SFI1: variants seen among roughly 807,000 people sequenced by gnomAD.
SFI1 encodes protein SFI1 homolog.
A neutral mutation model predicts 207.5 loss-of-function variants in SFI1; 195 were observed. The observed-to-expected ratio is 0.94, with a 90% CI of 0.84 to 1.06. SFI1 has a LOEUF of 1.06. Ranked by LOEUF, SFI1 falls within the 50% of genes least tolerant of loss-of-function variation. SFI1 has a pLI of 0.00. For missense variants in SFI1, 1,634 were observed against 1,588.0 expected, an observed-to-expected ratio of 1.03 and a Z score of -0.49; for synonymous variants, 630 against 598.9, an observed-to-expected ratio of 1.05 and a Z score of -0.76.
At chr22:31,507,805 T>C (rs28683149) in intron 1 of SFI1, among the ~76,000 whole-genome samples, 1 of 152,302 alleles carries the variant, frequency 6.6e-6, no homozygotes, top group Admixed American at 6.5e-5. Context: ...CTGGGTGTGG[T>C]GGCTCACCAC....
At chr22:31,564,183 C>T (rs1267189837) in intron 8 of SFI1, among the ~76,000 whole-genome samples, 8 of 151,294 alleles carry the variant, frequency 5.3e-5, no homozygotes, top group East Asian at 2.0e-4. Flanking sequence ...AAAAATTAGC[C>T]GGGCGTGGTG....
upstream of SFI1, chr22:31,496,378 A>G (rs1196438386): frequency 6.6e-6 from 1 of 152,388 alleles, no homozygotes; most frequent in Non-Finnish European, 1.5e-5. Flanking sequence ...ACCGATTCTC[A>G]TTGCTGCTGC....
intron 15 of SFI1, among the ~76,000 whole-genome samples, chr22:31,591,637 C>T (rs374637954): frequency 8.7e-5 from 9 of 104,010 alleles, no homozygotes; most frequent in East Asian, 2.8e-4. Context: ...GGCGGCTGGC[C>T]GGGCGGGGGG....
chr22:31,604,194 G>A (rs2068576361), intron 18 of SFI1, 115 bp from the exon 19 acceptor site: 1 of 793,968 alleles, frequency 1.3e-6, no homozygotes, highest in Non-Finnish European at 2.1e-6. Flanking sequence ...TTATAGATGA[G>A]GCCAGAGAGG....
intron 15 of SFI1, among the ~76,000 whole-genome samples, chr22:31,593,506 T>C (rs1224981989): frequency 7.0e-5 from 9 of 129,310 alleles, no homozygotes; most frequent in African/African-American, 2.7e-4. Context: ...CTCCTCACTT[T>C]CCAGACTGGG....
At chr22:31,603,998 G>A (rs1197603923) in intron 18 of SFI1, among the ~76,000 whole-genome samples, 179 bp downstream of exon 18, 1 of 152,176 alleles carries the variant, frequency 6.6e-6, no homozygotes, top group African/African-American at 2.4e-5. Context: ...AAAATTTTGT[G>A]TTCTTTCAGA....
Position 31,615,037 on chromosome 22 carries a change from C to A in SFI1, c.3069-11C>A, listed in dbSNP as rs948471216. The A allele has an allele frequency of 6.2e-7, 1 of 1,611,614 alleles. No individual in the cohort carries two copies. The highest frequency in any genetic ancestry group is 1.3e-5 in the African/African-American group (1 of 74,874). On this transcript the variant is annotated splice_polypyrimidine_tract_variant and intron_variant, in intron 28 of 32. Coordinates refer to ENST00000400288, the MANE Select transcript of SFI1 (RefSeq NM_001007467.3). ...GTGGCCTGACCAGGCTCTTGCCTTC[C>A]CTGTGCTCAGGCCTCAGAAGCCACA...
chr22:31,596,818 A>C (rs998615406), intron 15 of SFI1, among the ~76,000 whole-genome samples: 1 of 151,774 alleles, frequency 6.6e-6, no homozygotes. Context: ...CAGTACTGAA[A>C]ACACGCACAC....
At chr22:31,565,367 T>G (rs1021895406) in intron 8 of SFI1, among the ~76,000 whole-genome samples, 1 of 151,844 alleles carries the variant, frequency 6.6e-6, no homozygotes, top group Non-Finnish European at 1.5e-5. Flanking sequence ...GTCAAGTGTT[T>G]GAGGCTAGCC....
intron 15 of SFI1, among the ~76,000 whole-genome samples, chr22:31,598,166 T>C (rs2067437489): frequency 6.6e-6 from 1 of 151,296 alleles, no homozygotes; most frequent in Admixed American, 6.6e-5. Flanking sequence ...TTTTTTTTTT[T>C]AGTAGAGAAG....
intron 7 of SFI1, among the ~76,000 whole-genome samples, chr22:31,560,595 G>T (rs1275703686): frequency 1.3e-5 from 2 of 151,282 alleles, no homozygotes; most frequent in African/African-American, 4.9e-5. Flanking sequence ...TAGAGACGGG[G>T]TTTCACCATG....
intron 15 of SFI1, among the ~76,000 whole-genome samples, chr22:31,594,005 A>AGAGGGAGAGGGAGAGGGG (rs71184509): frequency 2.3e-5 from 3 of 128,214 alleles, no homozygotes; most frequent in African/African-American, 9.0e-5. Context: ...AGGGAGAGGG[A>AGAGGGAGAGGGAGAGGGG]CAGGGAGAGG....
intron 2 of SFI1, among the ~76,000 whole-genome samples, chr22:31,511,464 G>GTTTTTTTTTTTTTTTTT (rs758898165): frequency 8.7e-6 from 1 of 114,558 alleles, no homozygotes; most frequent in Non-Finnish European, 1.7e-5. Flanking sequence ...CATAGTTTCT[G>GTTTTTTTTTTTTTTTTT]TTTTTTTTTT....
At chr22:31,516,239 G>T (rs1340383366) in intron 2 of SFI1, among the ~76,000 whole-genome samples, 3 of 152,006 alleles carry the variant, frequency 2.0e-5, no homozygotes, top group Non-Finnish European at 4.4e-5. Flanking sequence ...TAAGCCGGGT[G>T]CCGTGGCTTA....
In SFI1 at chr22:31,602,202, T is replaced by C. The variant is rs1734827988; in HGVS notation, c.1545-10T>C. 6.2e-7 allele frequency: 1 copy of C among 1,610,940 alleles called. No individual in the cohort carries two copies. The highest frequency in any genetic ancestry group is 8.5e-7 in the Non-Finnish European group (1 of 1,177,164). On this transcript the variant is annotated splice_polypyrimidine_tract_variant and intron_variant, in intron 15 of 32. Transcript: ENST00000400288. ...GTTTTAAGTGCTTTACATTCTTCCT[T>C]GTTTTTTAGGGAGACATTAGAGAAG... is the stretch of plus-strand genomic sequence containing the variant.
chr22:31,542,996 G>A (rs926632869), intron 4 of SFI1, among the ~76,000 whole-genome samples: 7 of 143,846 alleles, frequency 4.9e-5, no homozygotes, highest in Non-Finnish European at 1.1e-4. Context: ...TTTTGAGACG[G>A]AGTCTCACTC....
At chr22:31,565,812 G>T (rs2062235321) in intron 8 of SFI1, among the ~76,000 whole-genome samples, 1 of 152,006 alleles carries the variant, frequency 6.6e-6, no homozygotes. Flanking sequence ...GTATATTTTT[G>T]AGGTTTAGCC....
intron 7 of SFI1, among the ~76,000 whole-genome samples, chr22:31,558,791 A>G (rs2061407200): frequency 6.6e-6 from 1 of 151,294 alleles, no homozygotes; most frequent in Non-Finnish European, 1.5e-5. Flanking sequence ...TGATATTTTT[A>G]TATAATTAAT....
rs2071212931 is a variant in SFI1, at chr22:31,615,254, C to G, written c.3275C>G (p.Pro1092Arg). 1 of 1,510,448 alleles carries G rather than the reference C, an allele frequency of 6.6e-7. No homozygotes were observed. Among genetic ancestry groups the G allele is most frequent in the Non-Finnish European group, 8.8e-7 (1 of 1,136,738 alleles). 93.6% of individuals were successfully genotyped at this position (1,510,448 alleles called of 1,614,324 possible). A position where few individuals can be genotyped will look rare whatever the true frequency, so the allele number is the denominator to read the frequency against. ...LLLLPLSSFMPCGAAAPARVS... is the reference protein window; with the variant it reads ...LLLLPLSSFMRCGAAAPARVS... ...CTGCTGCCTCTTTCCTCCTTCATGC[C>G]CTGCGGGGCGGCTGCACCAGCCAGG... The change falls in exon 29 of 33, where the codon CCC (proline) becomes CGC (arginine). Residue 1092 changes from proline to arginine, a missense_variant. By Grantham distance (103) the Pro-to-Arg change is moderately radical. Coordinates refer to ENST00000400288, the MANE Select transcript of SFI1 (RefSeq NM_001007467.3).
Sources: gnomAD v4.1 joint callset for allele counts (sites outside exome capture counted in the v4.1 genomes callset) on GRCh38, gnomAD v4.1.1 for gene constraint, MANE v1.5 for transcripts, NCBI Gene and HGNC (gene_info 2026-07-23, HGNC 2026-07-21) for gene names.